Variants in CTNNA2 observed in about 807,000 individuals in gnomAD.
CTNNA2 encodes catenin alpha-2.
In CTNNA2, 42 loss-of-function variants were observed where a neutral mutation model predicts 101.0. The observed-to-expected ratio is 0.42, with a 90% CI of 0.32 to 0.54. CTNNA2 has a LOEUF of 0.54. Ranked by LOEUF, CTNNA2 falls within the 20% of genes least tolerant of loss-of-function variation. The pLI is 0.14. For synonymous variants in CTNNA2, 450 were observed against 456.4 expected (o/e 0.99, Z 0.18); for missense variants, 871 against 1,223.1 (o/e 0.71, Z 4.29).
intron 2 of CTNNA2, among the ~76,000 whole-genome samples, chr2:79,265,109 A>G (rs1674972482): frequency 6.6e-6 from 1 of 152,158 alleles, no homozygotes; most frequent in African/African-American, 2.4e-5. Context: ...TTGAGGAACC[A>G]TTTTAGGAAA....
intron 9 of CTNNA2, among the ~76,000 whole-genome samples, chr2:80,535,370 T>A (rs1162684315): frequency 6.6e-6 from 1 of 152,224 alleles, no homozygotes; most frequent in Non-Finnish European, 1.5e-5. Flanking sequence ...ACTTTTATAG[T>A]GACCTTTCAA....
chr2:79,818,407 G>A (rs1677704657), intron 3 of CTNNA2, among the ~76,000 whole-genome samples: 1 of 151,982 alleles, frequency 6.6e-6, no homozygotes, highest in African/African-American at 2.4e-5. Context: ...CTGCATTCCG[G>A]TTTCAAGTGA....
At chr2:80,065,132 T>C (rs937011271) in intron 7 of CTNNA2, among the ~76,000 whole-genome samples, 2 of 152,078 alleles carry the variant, frequency 1.3e-5, no homozygotes, top group Non-Finnish European at 2.9e-5. Context: ...GAATTGTGCA[T>C]AGTATTGAAT....
intron 7 of CTNNA2, among the ~76,000 whole-genome samples, chr2:80,126,595 C>T (rs566392730): frequency 3.8e-4 from 8 of 21,248 alleles, no homozygotes; most frequent in Non-Finnish European, 6.6e-4. Flanking sequence ...TCCCTCCCTC[C>T]CTCCCTCCCT....
intron 9 of CTNNA2, among the ~76,000 whole-genome samples, chr2:80,537,703 C>T (rs1691163071): frequency 6.6e-6 from 1 of 152,056 alleles, no homozygotes; most frequent in South Asian, 2.1e-4. Flanking sequence ...AAGCAACTCT[C>T]CTGCCTCAGC....
intron 7 of CTNNA2, among the ~76,000 whole-genome samples, chr2:80,332,957 G>A (rs1042016169): frequency 1.3e-5 from 2 of 152,060 alleles, no homozygotes; most frequent in African/African-American, 4.8e-5. Flanking sequence ...AATATTTTGC[G>A]ACATTTGAAA....
intron 7 of CTNNA2, among the ~76,000 whole-genome samples, chr2:79,985,223 T>C (rs1236008974): frequency 3.3e-5 from 5 of 152,190 alleles, no homozygotes; most frequent in African/African-American, 4.8e-5. Flanking sequence ...TCATTATTCC[T>C]ATACAGTGCT....
At chr2:79,670,448 T>G (rs1328650920) in intron 2 of CTNNA2, among the ~76,000 whole-genome samples, 1 of 152,098 alleles carries the variant, frequency 6.6e-6, no homozygotes, top group African/African-American at 2.4e-5. Flanking sequence ...GGAGCTCCCG[T>G]CCGGACTCAG....
chr2:80,055,080 G>T (rs1198959573), intron 7 of CTNNA2, among the ~76,000 whole-genome samples: 1 of 152,104 alleles, frequency 6.6e-6, no homozygotes, highest in Non-Finnish European at 1.5e-5. Flanking sequence ...AGGCTGGAGT[G>T]CAGTGATGGG....
intron 9 of CTNNA2, among the ~76,000 whole-genome samples, chr2:80,501,398 T>C (rs1215215916): frequency 1.3e-5 from 2 of 152,194 alleles, no homozygotes; most frequent in Admixed American, 1.3e-4. Context: ...AACAAATCCC[T>C]TAGACATTTG....
At chr2:80,173,114 A>T (rs1285270546) in intron 7 of CTNNA2, among the ~76,000 whole-genome samples, 1 of 152,216 alleles carries the variant, frequency 6.6e-6, no homozygotes, top group Non-Finnish European at 1.5e-5. Context: ...ATGCCTTAAC[A>T]TTCTTCAAAA....
chr2:80,403,623 C>T (rs577263280), intron 8 of CTNNA2, among the ~76,000 whole-genome samples: 2 of 152,314 alleles, frequency 1.3e-5, no homozygotes, highest in South Asian at 2.1e-4. Context: ...ATTTACTCTA[C>T]ACATAATGTT....
chr2:80,050,231 C>CAG (rs1696790993), intron 7 of CTNNA2, among the ~76,000 whole-genome samples: 1 of 152,130 alleles, frequency 6.6e-6, no homozygotes, highest in Non-Finnish European at 1.5e-5. Flanking sequence ...ACCTCTCTAC[C>CAG]ACCCTCCTAA....
At chr2:79,786,551 G>A (rs1179034686) in intron 3 of CTNNA2, among the ~76,000 whole-genome samples, 1 of 151,906 alleles carries the variant, frequency 6.6e-6, no homozygotes, top group East Asian at 1.9e-4. Context: ...AGTGGGCAGA[G>A]GTGAAACTAG....
chr2:80,200,298 C>T (rs993526733), intron 7 of CTNNA2, among the ~76,000 whole-genome samples: 14 of 152,212 alleles, frequency 9.2e-5, no homozygotes, highest in South Asian at 2.1e-4. Flanking sequence ...TTGCTTTAGA[C>T]GACTAGCTTA....
chr2:79,612,682 A>G (rs1678360735), intron 1 of CTNNA2, among the ~76,000 whole-genome samples: 1 of 152,178 alleles, frequency 6.6e-6, no homozygotes, highest in South Asian at 2.1e-4. Context: ...ATGAAAGCAT[A>G]GAAAGAAAGC....
intron 7 of CTNNA2, among the ~76,000 whole-genome samples, chr2:79,963,049 C>T (rs62139977): frequency 0.31 from 38,881 of 125,566 alleles, 6,099 homozygotes; most frequent in Admixed American, 0.37. Context: ...CCAGCCTGGG[C>T]GACAGAGCCA....
intron 4 of CTNNA2, among the ~76,000 whole-genome samples, chr2:79,489,761 A>G (rs1424287295): frequency 6.6e-6 from 1 of 152,184 alleles, no homozygotes. Flanking sequence ...TGAACATCTG[A>G]TGTAGTATAA....
chr2:79,205,537 T>G (rs996587732), intron 2 of CTNNA2, among the ~76,000 whole-genome samples: 5 of 152,194 alleles, frequency 3.3e-5, no homozygotes, highest in African/African-American at 1.2e-4. Flanking sequence ...CAGAGGATTC[T>G]CTAGTTAACC....
Sources: allele counts gnomAD v4.1 joint callset (sites outside exome capture counted in the v4.1 genomes callset), GRCh38; gene constraint gnomAD v4.1.1; transcripts MANE v1.5; gene names NCBI Gene and HGNC (gene_info 2026-07-23, HGNC 2026-07-21).